Variants in EPG5 observed in about 807,000 individuals in gnomAD.
EPG5 encodes ectopic P granules protein 5 homolog.
A neutral mutation model predicts 302.7 loss-of-function variants in EPG5; 159 were observed. That is an observed-to-expected ratio of 0.53 (90% CI 0.46 to 0.60). The LOEUF (loss-of-function observed/expected upper bound fraction) is 0.60. Among genes scored for constraint, EPG5 ranks in the 20% least tolerant of loss-of-function variants. The pLI is 0.00. For synonymous variants in EPG5, 1,158 were observed against 1,136.8 expected, an observed-to-expected ratio of 1.02 and a Z score of -0.37; for missense variants, 2,896 against 3,092.4, an observed-to-expected ratio of 0.94 and a Z score of 1.51.
intron 13 of EPG5, among the ~76,000 whole-genome samples, chr18:45,927,678 G>A (rs2050307043): frequency 6.6e-6 from 1 of 150,912 alleles, no homozygotes; most frequent in Non-Finnish European, 1.5e-5. Flanking sequence ...AGTAAATGCT[G>A]ACACATGCTA....
At chr18:45,828,356 C>G in the EPG5 span, among the ~76,000 whole-genome samples, 6 of 152,204 alleles carry the variant, frequency 3.9e-5, no homozygotes, top group African/African-American at 1.4e-4. Flanking sequence ...CCAGCAGCCC[C>G]TAATCTCCCA....
rs764895705 is a variant in EPG5 at position 45,943,201 on chromosome 18, G to A, written c.1903C>T (p.Arg635Cys). Residue 635 changes from arginine to cysteine, a missense_variant, in exon 9 of 44, where the codon CGC becomes TGC. This residue lies in a region of EPG5 where 1,390 missense variants were observed against 1,430.0 expected (regional missense o/e 0.97). Coordinates refer to ENST00000282041, the MANE Select transcript of EPG5 (RefSeq NM_020964.3). The stretch of plus-strand genomic sequence containing the variant: ...ATTCGCTTCACAAACTGCCTATAGC[G>A]TGCTCTATTAAAGGTTTCTAACCCC... ...AVGLETFNRA[R>C]YRQFVKRIGY... 39 of 1,613,956 alleles carry A rather than the reference G, an allele frequency of 2.4e-5. No individual in the cohort carries two copies. The highest frequency in any genetic ancestry group is 2.0e-4 in the South Asian group (18 of 91,086).
intron 18 of EPG5, 25 bp from the exon 19 acceptor site, chr18:45,916,231 G>A (rs1235320488): frequency 1.3e-6 from 2 of 1,589,636 alleles, no homozygotes; most frequent in South Asian, 1.1e-5. Flanking sequence ...CTCATGTGAT[G>A]GGAAAGATAA....
the EPG5 span, among the ~76,000 whole-genome samples, chr18:45,815,528 C>G: frequency 2.0e-5 from 3 of 151,992 alleles, no homozygotes; most frequent in Admixed American, 6.6e-5. Flanking sequence ...AAGAACTCAA[C>G]CCTTTCACAA....
intron 13 of EPG5, among the ~76,000 whole-genome samples, chr18:45,926,921 C>G (rs1320101487): frequency 1.3e-5 from 2 of 152,020 alleles, no homozygotes; most frequent in Non-Finnish European, 1.5e-5. Flanking sequence ...TGGAATTCAT[C>G]CACTAATCAC....
the EPG5 span, among the ~76,000 whole-genome samples, chr18:45,823,288 C>T: frequency 8.5e-4 from 130 of 152,146 alleles, 1 homozygote; most frequent in African/African-American, 3.0e-3. Flanking sequence ...CTGGAGACAC[C>T]TGAGATGAGG....
At chr18:45,822,099 C>T in the EPG5 span, among the ~76,000 whole-genome samples, 1 of 152,308 alleles carries the variant, frequency 6.6e-6, no homozygotes, top group South Asian at 2.1e-4. Flanking sequence ...CATCTTCATT[C>T]CCATGTTTCT....
rs780807149 is a variant in EPG5 at position 45,865,738 on chromosome 18, C to T, written c.6643G>A (p.Ala2215Thr). The T allele has an allele frequency of 1.2e-6, 2 of 1,603,606 alleles. No homozygotes were observed. The highest frequency in any genetic ancestry group is 1.1e-5 in the South Asian group (1 of 90,230). Reference sequence around the variant, plus strand: ...AATTGAACCATCTGATGAGTAAAAGCTTGGCATTTTGGAACTGCATCCTGA... The same window carrying T: ...AATTGAACCATCTGATGAGTAAAAGTTTGGCATTTTGGAACTGCATCCTGA... ...KHLDAVPKCQ[A>T]FTHQMVQFLS... Residue 2215 changes from alanine (A) to threonine (T), a missense_variant, in exon 39 of 44, where the codon GCT (alanine) becomes ACT (threonine). Physicochemically the swap from Ala to Thr is moderately conservative, Grantham distance 58. Transcript: ENST00000282041.
chr18:45,840,988 G>A, the EPG5 span: 1 of 152,238 alleles, frequency 6.6e-6, no homozygotes, highest in African/African-American at 2.4e-5. Flanking sequence ...AATACTTATT[G>A]AGTACCTACT....
intron 1 of EPG5, among the ~76,000 whole-genome samples, chr18:45,961,822 C>T (rs1418599722): frequency 1.3e-5 from 2 of 149,380 alleles, no homozygotes; most frequent in Non-Finnish European, 3.0e-5. Context: ...CGCGCCACTG[C>T]ACTCCAGCCT....
At chr18:45,838,992 C>A in the EPG5 span, 7 of 1,598,142 alleles carry the variant, frequency 4.4e-6, no homozygotes, top group Admixed American at 1.7e-5. Context: ...GCTTCCATGG[C>A]GCCAGCGGGG....
the EPG5 span, among the ~76,000 whole-genome samples, chr18:45,824,927 G>C: frequency 6.6e-6 from 1 of 152,018 alleles, no homozygotes; most frequent in East Asian, 1.9e-4. Context: ...ATGAGGGTTA[G>C]AGAGACTAGG....
At chr18:45,928,275 A>G (rs117459438) in intron 13 of EPG5, among the ~76,000 whole-genome samples, 3,005 of 152,290 alleles carry the variant, frequency 0.02, 50 homozygotes, top group Non-Finnish European at 0.033. Context: ...ATGCTCTAAA[A>G]TTGACTGTGT....
chr18:45,859,815 C>T (rs531682968), intron 40 of EPG5, among the ~76,000 whole-genome samples: 10 of 152,308 alleles, frequency 6.6e-5, no homozygotes, highest in African/African-American at 2.2e-4. Flanking sequence ...ACACAATTTG[C>T]ATATCATAAC....
intron 20 of EPG5, 89 bp downstream of exon 20, chr18:45,915,422 G>A (rs763013556): frequency 1.1e-5 from 10 of 942,860 alleles, no homozygotes; most frequent in Admixed American, 2.0e-5. Context: ...ATAAAAGTTA[G>A]TTTAGACAAT....
At chr18:45,845,158 T>A (rs932229661), downstream of EPG5, among the ~76,000 whole-genome samples, 3 of 152,220 alleles carry the variant, frequency 2.0e-5, no homozygotes, top group Non-Finnish European at 2.9e-5. Context: ...ATGGTGCAGA[T>A]GTGTAACGGT....
intron 1 of EPG5, among the ~76,000 whole-genome samples, chr18:45,961,541 G>A (rs2051149796): frequency 6.6e-6 from 1 of 152,110 alleles, no homozygotes; most frequent in Non-Finnish European, 1.5e-5. Flanking sequence ...TCCCTTTCAT[G>A]TCTTTACTTA....
At chr18:45,955,514 CAT>C (rs2051008411) in intron 1 of EPG5, among the ~76,000 whole-genome samples, 176 bp from the exon 2 acceptor site, 1 of 152,150 alleles carries the variant, frequency 6.6e-6, no homozygotes, top group Admixed American at 6.5e-5. Flanking sequence ...AAATGTGTTT[CAT>C]ATTTCGTATT....
intron 21 of EPG5, among the ~76,000 whole-genome samples, chr18:45,913,117 A>C (rs972896845): frequency 2.0e-5 from 3 of 152,128 alleles, no homozygotes; most frequent in Non-Finnish European, 4.4e-5. Flanking sequence ...AAAAGAAAAA[A>C]AGAAAATGTC....
Sources: gnomAD v4.1 joint callset for allele counts (sites outside exome capture counted in the v4.1 genomes callset) on GRCh38, gnomAD v4.1.1 for gene constraint, gnomAD v4.1.1 regional missense constraint, MANE v1.5 for transcripts, NCBI Gene and HGNC (gene_info 2026-07-23, HGNC 2026-07-21) for gene names.